The following RAB28 variants were observed in gnomAD, a reference collection of about 807,000 sequenced individuals.
The protein encoded by RAB28 is ras-related protein Rab-28.
In RAB28, 24 loss-of-function variants were observed where a neutral mutation model predicts 31.7. The ratio of observed to expected loss-of-function variants is 0.76; its 90% CI spans 0.55 to 1.06. The LOEUF (loss-of-function observed/expected upper bound fraction) is 1.06. Ranked by LOEUF, RAB28 falls within the 50% of genes least tolerant of loss-of-function variation. The pLI is 0.00. For synonymous variants in RAB28, 100 were observed against 90.4 expected (o/e 1.11, Z -0.60); for missense variants, 254 against 258.5 (o/e 0.98, Z 0.12).
intron 4 of RAB28, among the ~76,000 whole-genome samples, chr4:13,439,591 C>T (rs992762011): frequency 6.6e-6 from 1 of 152,204 alleles, no homozygotes; most frequent in African/African-American, 2.4e-5. Flanking sequence ...TAACCATCCA[C>T]CTGCCTCAGC....
intron 3 of RAB28, among the ~76,000 whole-genome samples, chr4:13,468,371 G>A (rs556806187): frequency 6.6e-6 from 1 of 152,002 alleles, no homozygotes; most frequent in Non-Finnish European, 1.5e-5. Context: ...TGTAAAAACA[G>A]AAATCACACA....
intron 1 of RAB28, among the ~76,000 whole-genome samples, chr4:13,482,346 T>C (rs554361017): frequency 6.6e-6 from 1 of 152,288 alleles, no homozygotes; most frequent in African/African-American, 2.4e-5. Flanking sequence ...GTACAATAAA[T>C]ACTGTTAGAA....
chr4:13,465,463 A>G (rs1373189831), intron 3 of RAB28, among the ~76,000 whole-genome samples: 1 of 151,904 alleles, frequency 6.6e-6, no homozygotes, highest in Non-Finnish European at 1.5e-5. Context: ...GCTCATCAGA[A>G]ACCATGCAAA....
chr4:13,430,984 T>C (rs761445183), intron 4 of RAB28, among the ~76,000 whole-genome samples: 6 of 152,176 alleles, frequency 3.9e-5, no homozygotes, highest in Non-Finnish European at 7.4e-5. Context: ...TACACTGTTG[T>C]GGAGTCAGCA....
At chr4:13,472,398 T>G (rs1391959617) in intron 3 of RAB28, among the ~76,000 whole-genome samples, 2 of 151,118 alleles carry the variant, frequency 1.3e-5, no homozygotes, top group Admixed American at 1.3e-4. Context: ...AAATTTTAAA[T>G]AATTTAAATA....
intron 6 of RAB28, chr4:13,371,991 T>C: frequency 1.1e-6 from 1 of 898,816 alleles, no homozygotes; most frequent in Non-Finnish European, 1.8e-6. Flanking sequence ...GAAAGCAACC[T>C]ATGGGTTGGG....
rs145237945 is a variant in RAB28 at position 13,369,706 on chromosome 4, G to A, written c.574-1056C>T. Among the ~76,000 whole-genome samples the A allele has an allele frequency of 3.3e-5, 5 of 152,114 alleles. No homozygotes were observed. In the East Asian group the frequency reaches 9.7e-4, roughly 29 times the overall value. On this transcript the variant is annotated intron_variant, in intron 6 of 6. Coordinates refer to ENST00000330852, the MANE Select transcript of RAB28 (RefSeq NM_001017979.3). ...TTCTTAATTCATGTCTCCTGGCAGA[G>A]GACCAATTTTTTAGTTCTAAATCAA...
intron 4 of RAB28, among the ~76,000 whole-genome samples, chr4:13,400,944 T>C (rs1711711884): frequency 6.6e-6 from 1 of 152,218 alleles, no homozygotes; most frequent in African/African-American, 2.4e-5. Flanking sequence ...GTACCCTTTG[T>C]ATTGCTTGAT....
Position 13,381,549 on chromosome 4 carries a change from CGTAA to C in RAB28, c.433_436del (p.Leu145GlyfsTer37), listed in dbSNP as rs1322389318. 1.2e-6 allele frequency: 2 copies of C among 1,613,014 alleles called. No individual in the cohort carries two copies. Among genetic ancestry groups the C allele is most frequent in the African/African-American group, 1.3e-5 (1 of 74,884 alleles). On this transcript the variant is annotated frameshift_variant, in exon 5 of 7. Transcript: ENST00000330852. LOFTEE classifies it high-confidence loss of function. The stretch of plus-strand genomic sequence containing the variant: ...ACTAAAACCATTTTCCTGGCAAAAC[CGTAA>C]GTGTTTTTCAGGTTTTATTGTTCGC...
At chr4:13,417,295 C>G (rs1560284444) in intron 4 of RAB28, among the ~76,000 whole-genome samples, 1 of 152,180 alleles carries the variant, frequency 6.6e-6, no homozygotes, top group Non-Finnish European at 1.5e-5. Flanking sequence ...CTCTGTAAAC[C>G]CCACCTCTGG....
At chr4:13,389,868 T>TAA (rs575219686) in intron 4 of RAB28, among the ~76,000 whole-genome samples, 1 of 152,034 alleles carries the variant, frequency 6.6e-6, no homozygotes, top group African/African-American at 2.4e-5. Context: ...ACCTTCATGC[T>TAA]AAAAAACTCT....
At chr4:13,482,462 G>A (rs954734703) in intron 1 of RAB28, among the ~76,000 whole-genome samples, 2 of 151,970 alleles carry the variant, frequency 1.3e-5, no homozygotes. Context: ...ATTTTAAATG[G>A]GAAATAAGAT....
rs571153418 is a variant in RAB28 at position 13,401,475 on chromosome 4, C to T, written c.392-19881G>A. On this transcript the variant is annotated intron_variant, in intron 4 of 6. Coordinates refer to ENST00000330852, the MANE Select transcript of RAB28 (RefSeq NM_001017979.3). ...AACCACTATGGCATGTGTAAAACTA[C>T]GTAACAAAACTGCACATTCTGCACA... Among the ~76,000 whole-genome samples, 5 of 151,686 alleles carry T rather than the reference C, an allele frequency of 3.3e-5. No homozygotes were observed. The South Asian group carries it at 8.3e-4, about 25-fold the overall frequency.
intron 4 of RAB28, among the ~76,000 whole-genome samples, chr4:13,448,683 A>C (rs966677393): frequency 6.6e-6 from 1 of 152,086 alleles, no homozygotes; most frequent in Non-Finnish European, 1.5e-5. Context: ...AGGCAAGCTT[A>C]TGCATTTGAT....
At chr4:13,400,871 A>C (rs1292697746) in intron 4 of RAB28, among the ~76,000 whole-genome samples, 3 of 152,188 alleles carry the variant, frequency 2.0e-5, no homozygotes, top group Non-Finnish European at 4.4e-5. Context: ...AGCTACATTA[A>C]ATAATTTCAA....
At chr4:13,456,757 T>C (rs2108956620) in intron 4 of RAB28, among the ~76,000 whole-genome samples, 1 of 151,330 alleles carries the variant, frequency 6.6e-6, no homozygotes, top group South Asian at 2.1e-4. Context: ...TATACTGAAA[T>C]AGTTAACGTA....
At chr4:13,468,034 C>CA (rs1715944554) in intron 3 of RAB28, among the ~76,000 whole-genome samples, 1 of 151,856 alleles carries the variant, frequency 6.6e-6, no homozygotes, top group South Asian at 2.1e-4. Flanking sequence ...TAAAGACTGG[C>CA]ATAATAAGTC....
At chr4:13,369,615 T>A (rs913767604) in intron 6 of RAB28, among the ~76,000 whole-genome samples, 4 of 152,108 alleles carry the variant, frequency 2.6e-5, no homozygotes, top group Non-Finnish European at 5.9e-5. Flanking sequence ...GCACATGTAA[T>A]AAACACAACC....
At chr4:13,421,972 G>A (rs1479734087) in intron 4 of RAB28, among the ~76,000 whole-genome samples, 2 of 151,578 alleles carry the variant, frequency 1.3e-5, no homozygotes, top group South Asian at 2.1e-4. Context: ...GCAACCTACA[G>A]AATGAGAGAA....
Sources: gnomAD v4.1 joint callset for allele counts (sites outside exome capture counted in the v4.1 genomes callset) on GRCh38, gnomAD v4.1.1 for gene constraint, MANE v1.5 for transcripts, NCBI Gene and HGNC (gene_info 2026-07-23, HGNC 2026-07-21) for gene names.